SPOPL: variants seen among roughly 807,000 people sequenced by gnomAD.
SPOPL encodes the protein speckle-type POZ protein-like.
In SPOPL, 23 loss-of-function variants were observed where a neutral mutation model predicts 53.8. That is an observed-to-expected ratio of 0.43 (90% CI 0.31 to 0.61). SPOPL has a LOEUF of 0.61. SPOPL is among the 20% of genes least tolerant of loss of function. The pLI is 0.12. For synonymous variants in SPOPL, 164 were observed against 149.7 expected, an observed-to-expected ratio of 1.10 and a Z score of -0.70; for missense variants, 442 against 466.9, an observed-to-expected ratio of 0.95 and a Z score of 0.49.
intron 1 of SPOPL, among the ~76,000 whole-genome samples, chr2:138,512,327 A>T (rs2104856843): frequency 6.6e-6 from 1 of 152,312 alleles, no homozygotes; most frequent in South Asian, 2.1e-4. Context: ...CTCTGTTATG[A>T]CATATTTAGT....
chr2:138,569,846 A>T lies in SPOPL; in HGVS notation c.*766A>T, dbSNP rs1181114308. 6.6e-6 allele frequency: 1 copy of T among 152,610 alleles called. No homozygotes were observed. The highest frequency in any genetic ancestry group is 1.5e-5 in the Non-Finnish European group (1 of 68,018). 9.5% of individuals were successfully genotyped at this position (152,610 alleles called of 1,614,324 possible). On this transcript the variant is annotated 3_prime_UTR_variant, in exon 11 of 11. Transcript: ENST00000280098. ...ATACTGACCTACATTTATACGAAGA[A>T]TTCTGTACATGTTAAAAGTAAGGAT...
intron 1 of SPOPL, among the ~76,000 whole-genome samples, chr2:138,512,710 T>A (rs1269480302): frequency 1.3e-5 from 2 of 152,188 alleles, no homozygotes; most frequent in Non-Finnish European, 2.9e-5. Context: ...CATTCCCACT[T>A]TTGCTTTGTT....
chr2:138,566,331 G>A (rs1685658949), intron 10 of SPOPL, among the ~76,000 whole-genome samples: 1 of 151,968 alleles, frequency 6.6e-6, no homozygotes, highest in Admixed American at 6.6e-5. Flanking sequence ...TTTGTACTTA[G>A]CCATTTTCAA....
chr2:138,521,823 C>A (rs1375088212), intron 1 of SPOPL, among the ~76,000 whole-genome samples: 1 of 152,044 alleles, frequency 6.6e-6, no homozygotes, highest in African/African-American at 2.4e-5. Flanking sequence ...TGGAATAAGA[C>A]CCCCCAAAAA....
At chr2:138,539,008 T>C (rs1329110838) in intron 1 of SPOPL, among the ~76,000 whole-genome samples, 2 of 152,204 alleles carry the variant, frequency 1.3e-5, no homozygotes, top group Non-Finnish European at 2.9e-5. Context: ...TGTTTGGTTT[T>C]TTGTCCTTGC....
chr2:138,571,818 T>G lies in SPOPL; in HGVS notation c.*2738T>G, dbSNP rs1414316442. The G allele has an allele frequency of 6.6e-6, 1 of 152,640 alleles. No homozygotes were observed. The highest frequency in any genetic ancestry group is 2.4e-5 in the African/African-American group (1 of 41,460). 9.5% of individuals were successfully genotyped at this position (152,640 alleles called of 1,614,324 possible). A position where few individuals can be genotyped will look rare whatever the true frequency, so the allele number is the denominator to read the frequency against. ...GAATAATCATTGGGTAACTGTTGTT[T>G]AGACCAACACTTAGAAATACTATAT... On this transcript the variant is annotated 3_prime_UTR_variant, in exon 11 of 11. Transcript: ENST00000280098.
chr2:138,514,657 A>G (rs1366502888), intron 1 of SPOPL, among the ~76,000 whole-genome samples: 1 of 152,118 alleles, frequency 6.6e-6, no homozygotes, highest in Non-Finnish European at 1.5e-5. Context: ...TCCCTGTAAA[A>G]TATCCTTGTA....
At chr2:138,517,756 C>G (rs1228721612) in intron 1 of SPOPL, among the ~76,000 whole-genome samples, 2 of 145,076 alleles carry the variant, frequency 1.4e-5, no homozygotes, top group Admixed American at 6.9e-5. Flanking sequence ...AAAAAAAAAT[C>G]TGACCTAGGC....
chr2:138,559,928 G>A (rs955251054), intron 7 of SPOPL, among the ~76,000 whole-genome samples: 1 of 152,052 alleles, frequency 6.6e-6, no homozygotes, highest in Non-Finnish European at 1.5e-5. Flanking sequence ...TATTCTTTCT[G>A]CAGAACTAGA....
chr2:138,514,389 A>G (rs1684395060), intron 1 of SPOPL, among the ~76,000 whole-genome samples: 1 of 152,186 alleles, frequency 6.6e-6, no homozygotes, highest in Non-Finnish European at 1.5e-5. Context: ...TAGCTCAGTG[A>G]GCAGAGGGGT....
rs1031712187 is a variant in SPOPL, at chr2:138,571,276, G to A, written c.*2196G>A. ...CCGGCACATTGTGATTTAATTCACC[G>A]CTTGAATCTATATTTCTAACCACAG... On this transcript the variant is annotated 3_prime_UTR_variant, in exon 11 of 11. Transcript: ENST00000280098. The A allele has an allele frequency of 2.6e-5, 4 of 152,328 alleles. No individual in the cohort carries two copies. The highest frequency in any genetic ancestry group is 7.3e-5 in the African/African-American group (3 of 41,374). The allele number at this position is 152,328 out of a possible 1,614,324, so 9.4% of individuals were successfully genotyped here.
intron 1 of SPOPL, among the ~76,000 whole-genome samples, chr2:138,536,095 A>G (rs1684926013): frequency 6.6e-6 from 1 of 152,058 alleles, no homozygotes; most frequent in South Asian, 2.1e-4. Flanking sequence ...ATTAATGGCT[A>G]TTTGGAATGC....
At chr2:138,567,531 A>G (rs1036152914) in intron 10 of SPOPL, among the ~76,000 whole-genome samples, 5 of 152,076 alleles carry the variant, frequency 3.3e-5, no homozygotes, top group African/African-American at 1.2e-4. Context: ...ATTTTTAGAT[A>G]TTCAGAGTAG....
At chr2:138,520,210 T>A (rs1684527067) in intron 1 of SPOPL, among the ~76,000 whole-genome samples, 1 of 152,248 alleles carries the variant, frequency 6.6e-6, no homozygotes, top group African/African-American at 2.4e-5. Flanking sequence ...AGACTAATTA[T>A]GCATAGGTAA....
chr2:138,550,491 A>G lies in SPOPL; in HGVS notation c.87A>G (p.Val29=), dbSNP rs781265706. The change falls in exon 3 of 11, where the codon GTA becomes GTG. Residue 29 remains valine, a synonymous_variant. Coordinates refer to ENST00000280098, the MANE Select transcript of SPOPL (RefSeq NM_001001664.3). The stretch of plus-strand genomic sequence containing the variant: ...TTTTCTGAATCTCTTAGGTTAAAGT[A>G]GTAAAATTTTCCTATATGTGGACCA... ...AESWCYTQVK[V]VKFSYMWTIN... is the part of the protein sequence containing the mutation. 7 of 1,607,304 alleles carry G rather than the reference A, an allele frequency of 4.4e-6. No homozygotes were observed. The East Asian group carries it at 1.6e-4, about 36-fold the overall frequency.
intron 1 of SPOPL, among the ~76,000 whole-genome samples, chr2:138,520,666 A>G (rs375959676): frequency 2.0e-5 from 3 of 152,092 alleles, no homozygotes; most frequent in African/African-American, 7.2e-5. Context: ...AAAATACTCA[A>G]ATGGGTCAAT....
At chr2:138,521,741 A>G (rs550401609) in intron 1 of SPOPL, among the ~76,000 whole-genome samples, 1 of 152,324 alleles carries the variant, frequency 6.6e-6, no homozygotes, top group Admixed American at 6.5e-5. Flanking sequence ...TATCTATAAA[A>G]TGTAATTAAA....
At chr2:138,521,162 G>A (rs1684548507) in intron 1 of SPOPL, among the ~76,000 whole-genome samples, 1 of 152,178 alleles carries the variant, frequency 6.6e-6, no homozygotes, top group South Asian at 2.1e-4. Flanking sequence ...GCAGTGTGAG[G>A]AAATTATTTG....
chr2:138,540,565 A>G (rs965002241), intron 1 of SPOPL, among the ~76,000 whole-genome samples: 1 of 152,212 alleles, frequency 6.6e-6, no homozygotes, highest in African/African-American at 2.4e-5. Flanking sequence ...GTGTATAAGA[A>G]TGCTTGTGAT....
Sources: gnomAD v4.1 joint callset for allele counts (sites outside exome capture counted in the v4.1 genomes callset) on GRCh38, gnomAD v4.1.1 for gene constraint, MANE v1.5 for transcripts, NCBI Gene and HGNC (gene_info 2026-07-23, HGNC 2026-07-21) for gene names.